The following TREML4 variants were observed in gnomAD, a reference collection of about 807,000 sequenced individuals.
TREML4 encodes triggering receptor expressed on myeloid cells like 4.
In TREML4, 25 loss-of-function variants were observed where a neutral mutation model predicts 25.4. The observed-to-expected ratio is 0.98, with a 90% confidence interval of 0.72 to 1.37. TREML4 has a LOEUF of 1.37. Among genes scored for constraint, TREML4 ranks in the 40% most tolerant of loss-of-function variants. TREML4 has a pLI of 0.00. For missense variants in TREML4, 268 were observed against 236.5 expected (o/e 1.13, Z -0.87); for synonymous variants, 92 against 87.9 (o/e 1.05, Z -0.26).
At position 41,236,570 on chromosome 6, in the gene TREML4, C is replaced by T; in HGVS notation, c.591C>T (p.Gly197=). 1 of 1,613,888 alleles carries T rather than the reference C, an allele frequency of 6.2e-7. No individual in the cohort carries two copies. The highest frequency in any genetic ancestry group is 8.5e-7 in the Non-Finnish European group (1 of 1,179,798). ...LVLCGLLLAK[G]LML Reference sequence around the variant, plus strand: ...TATGTGGACTCCTCCTGGCCAAGGGCCTGATGTTGTGAGTCCTGTTAGTGC... The same window carrying T: ...TATGTGGACTCCTCCTGGCCAAGGGTCTGATGTTGTGAGTCCTGTTAGTGC... Residue 197 remains glycine (G), a synonymous_variant, in exon 5 of 6, where the codon GGC becomes GGT. Transcript: ENST00000341495.
chr6:41,232,841 C>G (rs1356898026), intron 4 of TREML4, among the ~76,000 whole-genome samples: 1 of 152,146 alleles, frequency 6.6e-6, no homozygotes. Context: ...GTGATGGGTG[C>G]GATGGGGAGT....
chr6:41,231,167 AAC>A, intron 4 of TREML4: 1 of 389,792 alleles, frequency 2.6e-6, no homozygotes, highest in Non-Finnish European at 5.3e-6. Flanking sequence ...TATATATTAC[AAC>A]ATGATAATAA....
intron 3 of TREML4, 159 bp downstream of exon 3, chr6:41,229,730 A>C: frequency 1.3e-6 from 1 of 759,506 alleles, no homozygotes; most frequent in Non-Finnish European, 2.3e-6. Context: ...ACTGTCTCTT[A>C]GGGAGAGAAA....
chr6:41,231,628 G>A (rs1766802485), intron 4 of TREML4, among the ~76,000 whole-genome samples: 1 of 152,140 alleles, frequency 6.6e-6, no homozygotes, highest in African/African-American at 2.4e-5. Context: ...GCCAAATGCT[G>A]ATCATAGTTG....
chr6:41,236,267 C>G (rs9394775), intron 4 of TREML4, among the ~76,000 whole-genome samples: 51,372 of 151,964 alleles, frequency 0.34, 8,665 homozygotes, highest in Middle Eastern at 0.43. Context: ...CCCTGGCCAG[C>G]TTTTTCCTCC....
At chr6:41,230,783 C>T (rs1275265121) in intron 4 of TREML4, among the ~76,000 whole-genome samples, 2 of 152,172 alleles carry the variant, frequency 1.3e-5, no homozygotes, top group Admixed American at 1.3e-4. Context: ...AGTATGGCAG[C>T]TAATGGGGGT....
intron 4 of TREML4, among the ~76,000 whole-genome samples, chr6:41,232,830 A>C (rs915643635): frequency 2.6e-5 from 4 of 152,194 alleles, no homozygotes; most frequent in Admixed American, 2.6e-4. Context: ...AAGCTCAGGC[A>C]GTGATGGGTG....
At chr6:41,231,948 C>A (rs1166830070) in intron 4 of TREML4, among the ~76,000 whole-genome samples, 1 of 152,040 alleles carries the variant, frequency 6.6e-6, no homozygotes, top group Non-Finnish European at 1.5e-5. Flanking sequence ...GGGAAAACAG[C>A]CAACACACAC....
intron 4 of TREML4, among the ~76,000 whole-genome samples, 196 bp from the exon 5 acceptor site, chr6:41,236,290 G>C (rs1040317874): frequency 6.6e-6 from 1 of 152,092 alleles, no homozygotes; most frequent in African/African-American, 2.4e-5. Context: ...TCAAGACTTT[G>C]AGGTTCCTTC....
At chr6:41,232,633 T>C (rs756867911) in intron 4 of TREML4, 35 of 154,522 alleles carry the variant, frequency 2.3e-4, no homozygotes, top group Non-Finnish European at 4.1e-4. Context: ...GTAGAGTCTA[T>C]GGGAGCTCTG....
intron 4 of TREML4, among the ~76,000 whole-genome samples, chr6:41,231,584 T>C (rs1227572990): frequency 6.6e-6 from 1 of 151,682 alleles, no homozygotes; most frequent in African/African-American, 2.4e-5. Context: ...ACGTCAACTA[T>C]GTGGATCATG....
At position 41,233,661 on chromosome 6, in the gene TREML4, G is replaced by A. The variant is rs72859206; in HGVS notation, c.507-2825G>A. On this transcript the variant is annotated intron_variant, in intron 4 of 5. Coordinates refer to ENST00000341495, the MANE Select transcript of TREML4 (RefSeq NM_198153.3). The stretch of plus-strand genomic sequence containing the variant: ...AAATTATTAGCCATTGTAGTTGGAG[G>A]TTCACATACCTCTCAGAGGATCAAA... 8.6e-4 allele frequency among the ~76,000 whole-genome samples: 130 copies of A among 152,036 alleles called. 2 individuals are homozygous for A. The highest frequency in any genetic ancestry group is 1.6e-3 in the Non-Finnish European group (111 of 67,936).
intron 4 of TREML4, among the ~76,000 whole-genome samples, chr6:41,235,484 A>T (rs979063022): frequency 2.6e-5 from 4 of 152,218 alleles, no homozygotes; most frequent in African/African-American, 9.6e-5. Flanking sequence ...CAAGGCTGCC[A>T]GATACAAAAT....
intron 4 of TREML4, among the ~76,000 whole-genome samples, chr6:41,233,855 A>T (rs1045064504): frequency 6.6e-6 from 1 of 151,204 alleles, no homozygotes; most frequent in Non-Finnish European, 1.5e-5. Flanking sequence ...ATTTTCAAAT[A>T]TATAAAATAT....
At chr6:41,229,186 C>A in intron 2 of TREML4, 142 bp downstream of exon 2, 2 of 762,282 alleles carry the variant, frequency 2.6e-6, no homozygotes. Context: ...AGATCCTGTC[C>A]CCAAACATGG....
intron 4 of TREML4, among the ~76,000 whole-genome samples, chr6:41,232,790 C>G (rs967596341): frequency 3.3e-5 from 5 of 152,144 alleles, no homozygotes; most frequent in African/African-American, 1.2e-4. Context: ...CTACGAGAAT[C>G]TAAAGCCACC....
At chr6:41,228,513 A>AG in intron 1 of TREML4, 23 bp downstream of exon 1, 1 of 1,606,014 alleles carries the variant, frequency 6.2e-7, no homozygotes, top group East Asian at 2.2e-5. Context: ...GAAAGAGTGC[A>AG]GGGGGTGTAA....
intron 4 of TREML4, among the ~76,000 whole-genome samples, chr6:41,233,593 A>G (rs1339435458): frequency 6.6e-6 from 1 of 151,436 alleles, no homozygotes. Flanking sequence ...AATTTTGGCC[A>G]TGAAATATAT....
At chr6:41,231,939 G>C (rs1766807827) in intron 4 of TREML4, among the ~76,000 whole-genome samples, 1 of 152,036 alleles carries the variant, frequency 6.6e-6, no homozygotes, top group Non-Finnish European at 1.5e-5. Context: ...GCCAAATAGG[G>C]GAAAACAGCC....
Sources: allele counts gnomAD v4.1 joint callset (sites outside exome capture counted in the v4.1 genomes callset), GRCh38; gene constraint gnomAD v4.1.1; transcripts MANE v1.5; gene names NCBI Gene and HGNC (gene_info 2026-07-23, HGNC 2026-07-21).